MARCHF8: variants seen among roughly 807,000 people sequenced by gnomAD.
MARCHF8 encodes membrane associated ring-CH-type finger 8, also known as E3 ubiquitin-protein ligase MARCHF8.
In MARCHF8, 40 loss-of-function variants were observed where a neutral mutation model predicts 51.6. The ratio of observed to expected loss-of-function variants is 0.77; its 90% CI spans 0.60 to 1.01. The LOEUF is 1.01. Among genes scored for constraint, MARCHF8 ranks in the 50% least tolerant of loss-of-function variants. The probability of loss-of-function intolerance (pLI) is 0.00; values close to 1 mark genes in which losing one functional copy is unlikely to be tolerated. For synonymous variants in MARCHF8, 263 were observed against 280.3 expected, an observed-to-expected ratio of 0.94 and a Z score of 0.62; for missense variants, 685 against 708.6, an observed-to-expected ratio of 0.97 and a Z score of 0.38.
intron 2 of MARCHF8, among the ~76,000 whole-genome samples, chr10:45,522,297 C>T (rs974724440): frequency 1.2e-4 from 19 of 152,202 alleles, no homozygotes; most frequent in Admixed American, 2.6e-4. Context: ...CTGAAGGACA[C>T]TATCTGGGAG....
At chr10:45,565,832 C>A (rs2044358247) in intron 1 of MARCHF8, among the ~76,000 whole-genome samples, 1 of 152,164 alleles carries the variant, frequency 6.6e-6, no homozygotes, top group Non-Finnish European at 1.5e-5. Context: ...GGTCCTGCTA[C>A]CTTAGTCAGC....
intron 2 of MARCHF8, among the ~76,000 whole-genome samples, chr10:45,503,535 T>TTAAATAAA (rs1564489358): frequency 1.1e-5 from 1 of 91,120 alleles, no homozygotes; most frequent in African/African-American, 4.6e-5. Context: ...AGACTCCGTC[T>TTAAATAAA]CAAATAAATA....
chr10:45,550,469 T>A (rs1398019080), intron 1 of MARCHF8, among the ~76,000 whole-genome samples: 1 of 152,216 alleles, frequency 6.6e-6, no homozygotes. Context: ...ATTCTCAGCA[T>A]GTCATTGTAC....
At chr10:45,500,961 G>A in intron 2 of MARCHF8, among the ~76,000 whole-genome samples, 1 of 151,732 alleles carries the variant, frequency 6.6e-6, no homozygotes, top group East Asian at 1.9e-4. Context: ...AAGTATTTAG[G>A]TGCACATCAA....
intron 2 of MARCHF8, among the ~76,000 whole-genome samples, chr10:45,500,381 G>T (rs1185748968): frequency 6.6e-6 from 1 of 152,084 alleles, no homozygotes; most frequent in Admixed American, 6.5e-5. Context: ...CATATGTAAA[G>T]AGATAATTTT....
At chr10:45,473,505 T>G (rs967334833) in intron 3 of MARCHF8, among the ~76,000 whole-genome samples, 1 of 152,164 alleles carries the variant, frequency 6.6e-6, no homozygotes, top group Admixed American at 6.5e-5. Context: ...TGGACCAAGT[T>G]TGATTCCCAG....
chr10:45,541,373 G>A lies in MARCHF8; in HGVS notation c.-78-8084C>T, dbSNP rs928881246. Among the ~76,000 whole-genome samples the A allele has an allele frequency of 2.0e-5, 3 of 152,084 alleles. No homozygotes were observed. The South Asian group carries it at 6.2e-4, about 32-fold the overall frequency. On this transcript the variant is annotated intron_variant, in intron 1 of 6. Transcript: ENST00000319836. Reference sequence around the variant, plus strand: ...CTCATAGGTGGGAATTGAACAATGAGAACACATGGACACAGGAAGCGGAAC... The same window carrying A: ...CTCATAGGTGGGAATTGAACAATGAAAACACATGGACACAGGAAGCGGAAC...
intron 1 of MARCHF8, among the ~76,000 whole-genome samples, chr10:45,551,164 G>A (rs975523952): frequency 5.9e-5 from 9 of 152,114 alleles, no homozygotes; most frequent in African/African-American, 2.2e-4. Flanking sequence ...TGAGAGTAAT[G>A]CCAGACCTGC....
intron 2 of MARCHF8, among the ~76,000 whole-genome samples, chr10:45,520,890 C>T (rs2043694849): frequency 1.3e-5 from 2 of 152,134 alleles, no homozygotes; most frequent in African/African-American, 4.8e-5. Context: ...TTGAATGATA[C>T]ACATTTCAAC....
intron 2 of MARCHF8, among the ~76,000 whole-genome samples, chr10:45,505,829 C>G (rs766198064): frequency 6.6e-6 from 1 of 152,200 alleles, no homozygotes; most frequent in Admixed American, 6.5e-5. Context: ...GTTCTCACCA[C>G]GAATCAATTA....
At chr10:45,553,308 A>C (rs536952046) in intron 1 of MARCHF8, 30 of 152,368 alleles carry the variant, frequency 2.0e-4, no homozygotes, top group Admixed American at 1.1e-3. Context: ...TGAAACTAGA[A>C]AACACAGAAG....
intron 2 of MARCHF8, among the ~76,000 whole-genome samples, chr10:45,511,662 G>A (rs1404825609): frequency 2.0e-5 from 3 of 152,318 alleles, no homozygotes; most frequent in Admixed American, 6.5e-5. Context: ...CGCCAGCCTC[G>A]GCCTCCCGAG....
chr10:45,476,661 A>T (rs112305190), intron 3 of MARCHF8, among the ~76,000 whole-genome samples: 3,735 of 149,346 alleles, frequency 0.025, 153 homozygotes, highest in African/African-American at 0.085. Flanking sequence ...AATACATTAT[A>T]AAAAAAAAAA....
At chr10:45,514,692 A>G (rs1038154389) in intron 2 of MARCHF8, among the ~76,000 whole-genome samples, 3 of 152,250 alleles carry the variant, frequency 2.0e-5, no homozygotes, top group African/African-American at 7.2e-5. Context: ...ACTTGGTGCC[A>G]TACAAGGAAT....
chr10:45,486,917 C>T (rs1341028288), intron 3 of MARCHF8, among the ~76,000 whole-genome samples: 1 of 147,082 alleles, frequency 6.8e-6, no homozygotes, highest in Non-Finnish European at 1.5e-5. Context: ...TCAAGCGATT[C>T]TCCTGCCTCA....
Position 45,457,953 on chromosome 10 carries a change from A to G in MARCHF8, c.*286T>C. On this transcript the variant is annotated 3_prime_UTR_variant, in exon 8 of 8. Coordinates refer to ENST00000453424, the MANE Select transcript of MARCHF8 (RefSeq NM_001282866.2). ...CTTGGGATTGGCATTTTATTCTCTC[A>G]TTCAGCTCAAGACCATGGGCAGGAA... is the stretch of plus-strand genomic sequence containing the variant. The G allele has an allele frequency of 2.6e-6, 1 of 379,230 alleles. No individual in the cohort carries two copies. The highest frequency in any genetic ancestry group is 7.1e-5 in the South Asian group (1 of 14,016). 23.5% of individuals were successfully genotyped at this position (379,230 alleles called of 1,614,324 possible).
intron 1 of MARCHF8, among the ~76,000 whole-genome samples, chr10:45,581,180 C>T (rs1181737547): frequency 6.6e-6 from 1 of 152,084 alleles, no homozygotes; most frequent in Non-Finnish European, 1.5e-5. Flanking sequence ...TTTTTAGTTG[C>T]CACAATTGTG....
At position 45,568,922 on chromosome 10, in the gene MARCHF8, G is replaced by A. The variant is rs535658637; in HGVS notation, c.-79+25313C>T. 7.3e-5 allele frequency among the ~76,000 whole-genome samples: 11 copies of A among 151,388 alleles called. No homozygotes were observed. The East Asian group carries it at 9.7e-4, about 13-fold the overall frequency. ...TCTCTACTAAAAATACAAAAAAGCC[G>A]GGTGTGGTAGTGGGCGCCTGTAGTC... On this transcript the variant is annotated intron_variant, in intron 1 of 6. Coordinates refer to the MARCHF8 transcript ENST00000319836.
chr10:45,521,154 G>A (rs2043699233), intron 2 of MARCHF8, among the ~76,000 whole-genome samples: 1 of 152,114 alleles, frequency 6.6e-6, no homozygotes, highest in African/African-American at 2.4e-5. Context: ...AACAATTGAT[G>A]GGGAATGAAG....
Sources: gnomAD v4.1 joint callset for allele counts (sites outside exome capture counted in the v4.1 genomes callset) on GRCh38, gnomAD v4.1.1 for gene constraint, MANE v1.5 for transcripts, NCBI Gene and HGNC (gene_info 2026-07-23, HGNC 2026-07-21) for gene names.